ERI3: variants seen among roughly 807,000 people sequenced by gnomAD.
The protein encoded by ERI3 is ERI1 exoribonuclease family member 3, also known as ERI1 exoribonuclease 3.
In ERI3, 18 loss-of-function variants were observed where a neutral mutation model predicts 44.4. The ratio of observed to expected loss-of-function variants is 0.41; its 90% CI spans 0.28 to 0.60. ERI3 has a LOEUF of 0.60. Ranked by LOEUF, ERI3 falls within the 20% of genes least tolerant of loss-of-function variation. ERI3 has a pLI of 0.36. For missense variants in ERI3, 294 were observed against 435.5 expected, an observed-to-expected ratio of 0.68 and a Z score of 2.89; for synonymous variants, 183 against 164.8, an observed-to-expected ratio of 1.11 and a Z score of -0.84.
At chr1:44,312,900 T>C (rs1646003994) in intron 5 of ERI3, among the ~76,000 whole-genome samples, 1 of 152,206 alleles carries the variant, frequency 6.6e-6, no homozygotes, top group Non-Finnish European at 1.5e-5. Flanking sequence ...TCAGCCAGCA[T>C]AGGGCCATAG....
intron 7 of ERI3, chr1:44,283,924 C>T (rs947310663): frequency 8.8e-5 from 40 of 454,138 alleles, no homozygotes; most frequent in Admixed American, 8.1e-4. Flanking sequence ...CTCAAATCCT[C>T]GCCATACCTA....
At chr1:44,284,684 C>T (rs1645355158) in intron 7 of ERI3, 151 bp downstream of exon 7, 6 of 636,496 alleles carry the variant, frequency 9.4e-6, no homozygotes, top group Non-Finnish European at 1.6e-5. Context: ...CATTTCAGTG[C>T]ATATTAGCTA....
chr1:44,263,628 T>A (rs1247432493), intron 7 of ERI3, among the ~76,000 whole-genome samples: 1 of 152,224 alleles, frequency 6.6e-6, no homozygotes, highest in Admixed American at 6.5e-5. Flanking sequence ...CCTGGACAGC[T>A]TCCCCGGGGG....
At chr1:44,287,684 G>C (rs1180527991) in intron 6 of ERI3, among the ~76,000 whole-genome samples, 1 of 152,232 alleles carries the variant, frequency 6.6e-6, no homozygotes, top group Non-Finnish European at 1.5e-5. Flanking sequence ...GTAGCCTTAG[G>C]AGCTAGAATG....
chr1:44,325,910 A>G (rs1399419328), intron 3 of ERI3, among the ~76,000 whole-genome samples: 1 of 152,204 alleles, frequency 6.6e-6, no homozygotes, highest in East Asian at 1.9e-4. Context: ...TGGCCTCCCA[A>G]AGTGCTGGGA....
At chr1:44,222,704 G>T (rs1325745873) in intron 8 of ERI3, among the ~76,000 whole-genome samples, 1 of 152,180 alleles carries the variant, frequency 6.6e-6, no homozygotes, top group East Asian at 1.9e-4. Flanking sequence ...GCCCACAGCA[G>T]CCACCAAACT....
At chr1:44,259,703 C>G (rs972514742) in intron 7 of ERI3, among the ~76,000 whole-genome samples, 5 of 149,642 alleles carry the variant, frequency 3.3e-5, no homozygotes, top group Admixed American at 6.6e-5. Context: ...CACACACACA[C>G]ACACACACAC....
At chr1:44,264,080 CAGGAA>C (rs1012342795) in intron 7 of ERI3, among the ~76,000 whole-genome samples, 64 of 152,318 alleles carry the variant, frequency 4.2e-4, no homozygotes, top group African/African-American at 1.5e-3. Flanking sequence ...TAGCACAGAG[CAGGAA>C]AGGAGAAGTT....
At chr1:44,289,966 C>T (rs1490781249) in intron 6 of ERI3, among the ~76,000 whole-genome samples, 2 of 152,212 alleles carry the variant, frequency 1.3e-5, no homozygotes, top group African/African-American at 2.4e-5. Context: ...CTGGAAAAGG[C>T]GATGGACACT....
intron 8 of ERI3, among the ~76,000 whole-genome samples, chr1:44,233,387 C>T (rs1035545551): frequency 2.0e-5 from 3 of 151,942 alleles, no homozygotes; most frequent in Non-Finnish European, 2.9e-5. Flanking sequence ...AAGAGAGGGC[C>T]AAGCCTGATG....
chr1:44,258,682 GGGCCA>G (rs1171588306), intron 7 of ERI3, among the ~76,000 whole-genome samples: 1 of 152,176 alleles, frequency 6.6e-6, no homozygotes, highest in Non-Finnish European at 1.5e-5. Flanking sequence ...GGCCTTCAGT[GGGCCA>G]TAGGTGGGGC....
In ERI3 at chr1:44,354,004, T is replaced by C. The variant is rs79219425; in HGVS notation, c.135+888A>G. 2.0e-3 allele frequency: 1,927 copies of C among 985,284 alleles called. 28 individuals are homozygous for C. In the African/African-American group the frequency reaches 0.03, roughly 15 times the overall value. 61.0% of individuals were successfully genotyped at this position (985,284 alleles called of 1,614,324 possible). On this transcript the variant is annotated intron_variant, in intron 1 of 8. Coordinates refer to ENST00000372257, the MANE Select transcript of ERI3 (RefSeq NM_024066.3). ...AAATTGGCTTTTAAATGGTAGGAGA[T>C]TCAGGTATAATAAACTAAGCTCCAA...
intron 4 of ERI3, 134 bp from the exon 5 acceptor site, chr1:44,313,362 G>T: frequency 1.3e-6 from 1 of 745,808 alleles, no homozygotes; most frequent in Non-Finnish European, 2.2e-6. Flanking sequence ...TAGGTTCAGA[G>T]CCCACCTAGA....
chr1:44,237,531 T>C (rs1344368837), intron 8 of ERI3, among the ~76,000 whole-genome samples: 1 of 152,172 alleles, frequency 6.6e-6, no homozygotes, highest in Non-Finnish European at 1.5e-5. Flanking sequence ...ATGACTTACC[T>C]AGTACCACTC....
chr1:44,345,159 A>G (rs1380106178), intron 2 of ERI3, among the ~76,000 whole-genome samples: 1 of 152,236 alleles, frequency 6.6e-6, no homozygotes, highest in Non-Finnish European at 1.5e-5. Context: ...GGAACCACAG[A>G]GGAGTCGTTC....
In ERI3 at chr1:44,221,945, TA is replaced by T. The variant is rs1346433734; in HGVS notation, c.932-306del. On this transcript the variant is annotated intron_variant, in intron 8 of 8. Coordinates refer to ENST00000372257, the MANE Select transcript of ERI3 (RefSeq NM_024066.3). The surrounding 1 kb of genome is among the most constrained non-coding windows in gnomAD (Gnocchi z 5.9). ...CCGTCGCAGTAAGAAAAAGGCAGAG[TA>T]AATGTGTAATTTCTCCCTTGACGGC... 6.6e-6 allele frequency among the ~76,000 whole-genome samples: 1 copy of T among 152,036 alleles called. No individual in the cohort carries two copies. Among genetic ancestry groups the T allele is most frequent in the East Asian group, 1.9e-4 (1 of 5,164 alleles).
At chr1:44,317,449 T>G (rs1002103365) in intron 4 of ERI3, among the ~76,000 whole-genome samples, 1 of 151,826 alleles carries the variant, frequency 6.6e-6, no homozygotes, top group African/African-American at 2.4e-5. Context: ...AACAAGACTT[T>G]ACTTACTTAC....
At chr1:44,351,805 A>C (rs543324890) in intron 2 of ERI3, among the ~76,000 whole-genome samples, 2 of 151,216 alleles carry the variant, frequency 1.3e-5, no homozygotes, top group South Asian at 4.2e-4. Context: ...AAGCTCTGAC[A>C]CTTGGTCCCT....
intron 6 of ERI3, among the ~76,000 whole-genome samples, chr1:44,293,847 C>A (rs1380045271): frequency 6.6e-6 from 1 of 152,218 alleles, no homozygotes; most frequent in Non-Finnish European, 1.5e-5. Context: ...CCCTCCACTT[C>A]CCCCTACTGG....
Sources: allele counts gnomAD v4.1 joint callset (sites outside exome capture counted in the v4.1 genomes callset), GRCh38; gene constraint gnomAD v4.1.1; non-coding constraint Gnocchi (gnomAD v3.1); transcripts MANE v1.5; gene names NCBI Gene and HGNC (gene_info 2026-07-23, HGNC 2026-07-21).